ARAP2: variants seen among roughly 807,000 people sequenced by gnomAD.
The protein encoded by ARAP2 is ArfGAP with RhoGAP domain, ankyrin repeat and PH domain 2.
A neutral mutation model predicts 194.5 loss-of-function variants in ARAP2; 148 were observed. That is an observed-to-expected ratio of 0.76 (90% CI 0.67 to 0.87). ARAP2 has a LOEUF of 0.87. Among genes scored for constraint, ARAP2 ranks in the 40% least tolerant of loss-of-function variants. ARAP2 has a pLI of 0.00. For missense variants in ARAP2, 2,128 were observed against 1,989.7 expected (o/e 1.07, Z -1.32); for synonymous variants, 695 against 683.5 (o/e 1.02, Z -0.26).
chr4:36,193,768 A>G (rs1742476816), intron 6 of ARAP2, 121 bp from the exon 7 acceptor site: 2 of 693,222 alleles, frequency 2.9e-6, no homozygotes, highest in Non-Finnish European at 4.5e-6. Context: ...ATAGACAACA[A>G]TAGGCTATGA....
chr4:36,035,191 A>T (rs1262291427), intron 5 of ARAP2, among the ~76,000 whole-genome samples: 1 of 151,842 alleles, frequency 6.6e-6, no homozygotes, highest in Non-Finnish European at 1.5e-5. Context: ...TGTATAATTC[A>T]TCTGTGAATC....
chr4:36,205,321 A>C (rs1348219008), intron 6 of ARAP2, among the ~76,000 whole-genome samples: 3 of 152,170 alleles, frequency 2.0e-5, no homozygotes, highest in African/African-American at 7.2e-5. Flanking sequence ...CAGTATAAAA[A>C]CAGTAAGACA....
In ARAP2 at chr4:36,187,444, A is replaced by T; in HGVS notation, c.1678+7T>A. 1 of 1,377,278 alleles carries T rather than the reference A, an allele frequency of 7.3e-7. No homozygotes were observed. Among genetic ancestry groups the T allele is most frequent in the African/African-American group, 1.5e-5 (1 of 68,162 alleles). 85.3% of individuals were successfully genotyped at this position (1,377,278 alleles called of 1,614,324 possible). ...TGTATTTCATATGGATAAATAAATAATCTCACCTTCTTTTTCTACTCTAAA... is the reference window on the plus strand; with the variant it reads ...TGTATTTCATATGGATAAATAAATATTCTCACCTTCTTTTTCTACTCTAAA... On this transcript the variant is annotated splice_region_variant and intron_variant, in intron 8 of 32. Transcript: ENST00000303965.
intron 5 of ARAP2, among the ~76,000 whole-genome samples, chr4:36,044,891 T>G (rs1023640254): frequency 6.6e-6 from 1 of 150,942 alleles, no homozygotes; most frequent in African/African-American, 2.4e-5. Flanking sequence ...CCAAAGAACC[T>G]GAATAGACAT....
chr4:36,175,371 G>C (rs2109841242), intron 9 of ARAP2, among the ~76,000 whole-genome samples: 1 of 152,274 alleles, frequency 6.6e-6, no homozygotes, highest in East Asian at 1.9e-4. Flanking sequence ...CATGTCACCA[G>C]GTTTTTCACA....
chr4:36,122,561 T>C (rs1001424933), intron 22 of ARAP2, among the ~76,000 whole-genome samples: 9 of 151,572 alleles, frequency 5.9e-5, no homozygotes, highest in African/African-American at 1.9e-4. Context: ...GGGAGCTAAA[T>C]GATGAGAATA....
intron 27 of ARAP2, among the ~76,000 whole-genome samples, chr4:36,101,414 T>C (rs924166934): frequency 1.3e-5 from 2 of 151,776 alleles, no homozygotes; most frequent in African/African-American, 4.8e-5. Context: ...TTTTTTGCTA[T>C]TTTACTACTA....
intron 6 of ARAP2, among the ~76,000 whole-genome samples, chr4:36,196,000 T>G (rs897377490): frequency 6.6e-6 from 1 of 152,172 alleles, no homozygotes; most frequent in African/African-American, 2.4e-5. Flanking sequence ...TCTGGCACCA[T>G]GGGTGGGATA....
At chr4:36,088,589 G>T (rs1389333991) in intron 28 of ARAP2, among the ~76,000 whole-genome samples, 1 of 152,074 alleles carries the variant, frequency 6.6e-6, no homozygotes. Context: ...AAGGGCTGCA[G>T]AATTCAGGCT....
Position 36,099,053 on chromosome 4 carries a change from C to A in ARAP2, c.4286-7033G>T, listed in dbSNP as rs79951665. 5.6e-3 allele frequency among the ~76,000 whole-genome samples: 849 copies of A among 151,714 alleles called. 7 individuals are homozygous for A. Among genetic ancestry groups the A allele is most frequent in the African/African-American group, 0.019 (802 of 41,368 alleles). ...CTGATGTGTTCCCTCCCCCTACCCT[C>A]CCCTCCCCATGGACAGGCCCTGGTG... On this transcript the variant is annotated intron_variant, in intron 27 of 32. Coordinates refer to ENST00000303965, the MANE Select transcript of ARAP2 (RefSeq NM_015230.4).
chr4:36,238,226 C>A (rs872268), intron 1 of ARAP2, among the ~76,000 whole-genome samples: 4 of 152,168 alleles, frequency 2.6e-5, no homozygotes, highest in Non-Finnish European at 4.4e-5. Context: ...CTACCTCAAC[C>A]ACTACTTCTT....
chr4:36,127,779 A>T (rs867428320), intron 21 of ARAP2, among the ~76,000 whole-genome samples: 4 of 151,960 alleles, frequency 2.6e-5, no homozygotes, highest in African/African-American at 7.2e-5. Flanking sequence ...TAATAAAAAT[A>T]AAAATGTCAT....
At chr4:36,161,251 T>A (rs902637526) in intron 12 of ARAP2, among the ~76,000 whole-genome samples, 4 of 151,912 alleles carry the variant, frequency 2.6e-5, no homozygotes, top group African/African-American at 9.7e-5. Flanking sequence ...TTATTAAGGA[T>A]CTTCTATACT....
chr4:36,215,345 G>A (rs6855634), intron 2 of ARAP2, among the ~76,000 whole-genome samples: 132,221 of 152,224 alleles, frequency 0.87, 57,593 homozygotes, highest in East Asian at 0.95. Context: ...TGGAAAAAGA[G>A]TAGCCCTTTC....
chr4:36,163,263 A>C (rs1734503592), intron 11 of ARAP2, among the ~76,000 whole-genome samples: 1 of 152,160 alleles, frequency 6.6e-6, no homozygotes, highest in Admixed American at 6.5e-5. Flanking sequence ...TACTGGAAAA[A>C]AAAAGACTGG....
At chr4:36,207,758 T>A (rs1181525091) in intron 6 of ARAP2, among the ~76,000 whole-genome samples, 5 of 152,132 alleles carry the variant, frequency 3.3e-5, no homozygotes, top group Admixed American at 1.3e-4. Context: ...TATGTGCATG[T>A]CTTTAAGGGG....
At chr4:36,188,996 G>A (rs1027153014) in intron 7 of ARAP2, among the ~76,000 whole-genome samples, 1 of 152,034 alleles carries the variant, frequency 6.6e-6, no homozygotes, top group African/African-American at 2.4e-5. Flanking sequence ...TCCCATCCCT[G>A]ACTTTATTTA....
chr4:36,133,910 ATT>A (rs1397793862), intron 19 of ARAP2, among the ~76,000 whole-genome samples: 6 of 151,734 alleles, frequency 4.0e-5, no homozygotes, highest in South Asian at 4.1e-4. Flanking sequence ...GGGACATGCC[ATT>A]CAGGCCAGTA....
chr4:36,123,052 A>C (rs1723038413), intron 22 of ARAP2, among the ~76,000 whole-genome samples: 1 of 151,852 alleles, frequency 6.6e-6, no homozygotes, highest in Non-Finnish European at 1.5e-5. Context: ...TGCAATCATC[A>C]CACGTGATTT....
Sources: allele counts gnomAD v4.1 joint callset (sites outside exome capture counted in the v4.1 genomes callset), GRCh38; gene constraint gnomAD v4.1.1; transcripts MANE v1.5; gene names NCBI Gene and HGNC (gene_info 2026-07-23, HGNC 2026-07-21).